The following PDSS2 variants were observed in gnomAD, a reference collection of about 807,000 sequenced individuals.
PDSS2 encodes decaprenyl diphosphate synthase subunit 2.
PDSS2 carries 31 observed loss-of-function variants against 44.5 expected under a neutral mutation model. The observed-to-expected ratio is 0.70, with a 90% confidence interval of 0.52 to 0.94. PDSS2 has a LOEUF of 0.94. Ranked by LOEUF, PDSS2 falls within the 40% of genes least tolerant of loss-of-function variation. The probability of loss-of-function intolerance (pLI) is 0.00; values close to 1 mark genes in which losing one functional copy is unlikely to be tolerated. For missense variants in PDSS2, 452 were observed against 482.2 expected, an observed-to-expected ratio of 0.94 and a Z score of 0.59; for synonymous variants, 157 against 180.3, an observed-to-expected ratio of 0.87 and a Z score of 1.03.
intron 4 of PDSS2, among the ~76,000 whole-genome samples, chr6:107,213,312 AT>A (rs35799290): frequency 0.73 from 104,619 of 144,082 alleles, 38,111 homozygotes; most frequent in East Asian, 0.95. Context: ...CACCCAGATA[AT>A]TTTTTTTTTT....
At chr6:107,419,050 A>G (rs1780748888) in intron 1 of PDSS2, among the ~76,000 whole-genome samples, 1 of 152,014 alleles carries the variant, frequency 6.6e-6, no homozygotes, top group Non-Finnish European at 1.5e-5. Context: ...AAAAAAACAA[A>G]AAGAGTACAA....
chr6:107,161,859 C>G (rs1771145756), intron 7 of PDSS2, among the ~76,000 whole-genome samples: 1 of 152,110 alleles, frequency 6.6e-6, no homozygotes, highest in Admixed American at 6.6e-5. Context: ...CATTTTTGTT[C>G]TATCTATATG....
At chr6:107,385,468 A>T (rs975994494) in intron 1 of PDSS2, among the ~76,000 whole-genome samples, 1 of 152,256 alleles carries the variant, frequency 6.6e-6, no homozygotes, top group Non-Finnish European at 1.5e-5. Context: ...CATACAGATT[A>T]GTACTTACTA....
chr6:107,366,183 A>G (rs565260492), intron 1 of PDSS2, among the ~76,000 whole-genome samples: 2 of 152,316 alleles, frequency 1.3e-5, no homozygotes, highest in South Asian at 2.1e-4. Context: ...CATAAAAAGT[A>G]TGTTCTCTGA....
chr6:107,262,466 T>C (rs1249017900), intron 3 of PDSS2, among the ~76,000 whole-genome samples: 1 of 151,924 alleles, frequency 6.6e-6, no homozygotes, highest in Non-Finnish European at 1.5e-5. Flanking sequence ...AAGATTTCTC[T>C]CGTGCTAAGA....
chr6:107,321,603 C>T (rs1157031516), intron 2 of PDSS2, among the ~76,000 whole-genome samples: 2 of 152,162 alleles, frequency 1.3e-5, no homozygotes, highest in Non-Finnish European at 2.9e-5. Context: ...GTGCTCAGTG[C>T]TCCCCTTATT....
intron 4 of PDSS2, among the ~76,000 whole-genome samples, chr6:107,219,094 T>C (rs1357044312): frequency 6.6e-6 from 1 of 151,970 alleles, no homozygotes; most frequent in African/African-American, 2.4e-5. Context: ...AAAATTCTCT[T>C]TTAATGCCTC....
intron 4 of PDSS2, among the ~76,000 whole-genome samples, chr6:107,215,275 G>A (rs112176595): frequency 2.2e-4 from 33 of 152,130 alleles, no homozygotes; most frequent in African/African-American, 7.2e-4. Flanking sequence ...ACCTGTAATC[G>A]TAGCAACTCA....
At chr6:107,171,252 C>G (rs1771564875) in intron 7 of PDSS2, among the ~76,000 whole-genome samples, 1 of 152,160 alleles carries the variant, frequency 6.6e-6, no homozygotes, top group South Asian at 2.1e-4. Context: ...GCCTCAACCT[C>G]TTGGGCTTGA....
At chr6:107,315,704 A>T (rs1230302713) in intron 2 of PDSS2, among the ~76,000 whole-genome samples, 2 of 152,228 alleles carry the variant, frequency 1.3e-5, no homozygotes, top group African/African-American at 4.8e-5. Flanking sequence ...TTGGGCAATA[A>T]TTGCTGTCCC....
intron 1 of PDSS2, among the ~76,000 whole-genome samples, chr6:107,359,358 C>A (rs1778693748): frequency 6.6e-6 from 1 of 151,870 alleles, no homozygotes; most frequent in Non-Finnish European, 1.5e-5. Flanking sequence ...AGCAGTGTCT[C>A]ATGCCTGTAA....
chr6:107,190,034 T>C (rs1355186007), intron 7 of PDSS2, among the ~76,000 whole-genome samples: 1 of 151,676 alleles, frequency 6.6e-6, no homozygotes, highest in Non-Finnish European at 1.5e-5. Context: ...CAGTAAGCTA[T>C]GATTGTGACA....
chr6:107,350,015 G>A lies in PDSS2; in HGVS notation c.297-15683C>T, dbSNP rs371685760. On this transcript the variant is annotated intron_variant, in intron 1 of 7. Transcript: ENST00000369037. ...TGACTTTCATGGCCTTTACAATTTC[G>A]AAAATTACAGGCCAGTTATTTTGTA... 2.2e-4 allele frequency among the ~76,000 whole-genome samples: 33 copies of A among 152,152 alleles called. No homozygotes were observed. In the East Asian group the frequency reaches 5.0e-3, roughly 23 times the overall value.
At chr6:107,281,060 T>C (rs1304138884) in intron 2 of PDSS2, among the ~76,000 whole-genome samples, 6 of 152,276 alleles carry the variant, frequency 3.9e-5, no homozygotes, top group African/African-American at 9.6e-5. Flanking sequence ...GAGTTCCTGA[T>C]ATAAGGGAAC....
intron 7 of PDSS2, among the ~76,000 whole-genome samples, chr6:107,173,136 A>AT (rs1469376792): frequency 6.6e-6 from 1 of 151,790 alleles, no homozygotes; most frequent in African/African-American, 2.4e-5. Flanking sequence ...AAAAAAAAAA[A>AT]AAGATAGAGT....
intron 2 of PDSS2, among the ~76,000 whole-genome samples, chr6:107,333,578 A>G (rs1412829571): frequency 6.6e-6 from 1 of 152,156 alleles, no homozygotes; most frequent in African/African-American, 2.4e-5. Flanking sequence ...TCTGTTACCC[A>G]GGCTGGAGGG....
intron 1 of PDSS2, among the ~76,000 whole-genome samples, chr6:107,380,062 C>T (rs1779409552): frequency 1.3e-5 from 2 of 151,882 alleles, no homozygotes; most frequent in East Asian, 1.9e-4. Context: ...TAAGGATTTA[C>T]GTTTAACTGT....
chr6:107,455,725 C>T (rs1168874860), intron 1 of PDSS2, among the ~76,000 whole-genome samples: 1 of 136,950 alleles, frequency 7.3e-6, no homozygotes, highest in Non-Finnish European at 1.5e-5. Flanking sequence ...CTGGGCACTC[C>T]AGCCTGGCGA....
At chr6:107,377,195 A>G (rs971405668) in intron 1 of PDSS2, among the ~76,000 whole-genome samples, 1 of 150,516 alleles carries the variant, frequency 6.6e-6, no homozygotes, top group Admixed American at 6.6e-5. Flanking sequence ...TTTACAAGAA[A>G]AAAACAAACA....
Sources: gnomAD v4.1 joint callset for allele counts (sites outside exome capture counted in the v4.1 genomes callset) on GRCh38, gnomAD v4.1.1 for gene constraint, MANE v1.5 for transcripts, NCBI Gene and HGNC (gene_info 2026-07-23, HGNC 2026-07-21) for gene names.